CDIN1: variants seen among roughly 807,000 people sequenced by gnomAD.
CDIN1 encodes the protein CDAN1-interacting nuclease 1.
A neutral mutation model predicts 45.3 loss-of-function variants in CDIN1; 33 were observed. The ratio of observed to expected loss-of-function variants is 0.73; its 90% CI spans 0.55 to 0.97. The LOEUF (loss-of-function observed/expected upper bound fraction) is 0.97. Among genes scored for constraint, CDIN1 ranks in the 50% least tolerant of loss-of-function variants. The pLI is 0.00. For synonymous variants in CDIN1, 118 were observed against 124.4 expected (o/e 0.95, Z 0.34); for missense variants, 303 against 339.4 (o/e 0.89, Z 0.84).
chr15:36,613,560 G>A (rs534202032), intron 1 of CDIN1: 24 of 1,501,200 alleles, frequency 1.6e-5, no homozygotes, highest in East Asian at 6.8e-5. Context: ...TGAGCTGAGC[G>A]CCTCCAGCAA....
At chr15:36,779,015 C>T (rs2054286907) in intron 10 of CDIN1, among the ~76,000 whole-genome samples, 1 of 152,080 alleles carries the variant, frequency 6.6e-6, no homozygotes, top group African/African-American at 2.4e-5. Context: ...TACTATTTGT[C>T]TTATTTTTAA....
rs1006552005 is a variant in CDIN1, at chr15:36,617,911, T to A, written c.102-26367T>A. On this transcript the variant is annotated intron_variant, in intron 1 of 10. Coordinates refer to ENST00000566621, the MANE Select transcript of CDIN1 (RefSeq NM_001321759.2). Reference sequence around the variant, plus strand: ...TTATGGCAAGGATAAAAGCCATCAATACATTTTTTGCTAAGAATTGTTACT... The same window carrying A: ...TTATGGCAAGGATAAAAGCCATCAAAACATTTTTTGCTAAGAATTGTTACT... The A allele has an allele frequency of 3.9e-6, 3 of 766,226 alleles. No individual in the cohort carries two copies. The African/African-American group carries it at 5.1e-5, about 13-fold the overall frequency. The allele number at this position is 766,226 out of a possible 1,614,324, so 47.5% of individuals were successfully genotyped here. A position where few individuals can be genotyped will look rare whatever the true frequency, so the allele number is the denominator to read the frequency against.
chr15:36,656,586 C>T (rs974353250), intron 4 of CDIN1, among the ~76,000 whole-genome samples: 4 of 151,986 alleles, frequency 2.6e-5, no homozygotes, highest in African/African-American at 4.8e-5. Context: ...GGCCCTATTT[C>T]AGAGAAAGAT....
At chr15:36,617,270 CAG>C in intron 1 of CDIN1, 1 of 1,032,542 alleles carries the variant, frequency 9.7e-7, no homozygotes, top group Non-Finnish European at 1.5e-6. Flanking sequence ...GCAGAGCTCT[CAG>C]AAGATATATG....
chr15:36,671,232 C>T (rs897931008), intron 5 of CDIN1, among the ~76,000 whole-genome samples: 3 of 152,140 alleles, frequency 2.0e-5, no homozygotes, highest in Non-Finnish European at 2.9e-5. Flanking sequence ...AGTAGCTGCA[C>T]CAGTCACGAA....
chr15:36,740,918 C>G (rs879995450), intron 10 of CDIN1, among the ~76,000 whole-genome samples: 1 of 151,908 alleles, frequency 6.6e-6, no homozygotes, highest in Non-Finnish European at 1.5e-5. Context: ...TGTTTGCTCT[C>G]CTGCATTTCA....
At chr15:36,621,984 C>T in intron 1 of CDIN1, among the ~76,000 whole-genome samples, 1 of 151,704 alleles carries the variant, frequency 6.6e-6, no homozygotes, top group African/African-American at 2.4e-5. Context: ...CATAAATTAG[C>T]CTCATGGTGA....
intron 10 of CDIN1, among the ~76,000 whole-genome samples, chr15:36,722,501 A>G (rs2043461165): frequency 6.6e-6 from 1 of 152,318 alleles, no homozygotes; most frequent in African/African-American, 2.4e-5. Context: ...TTCTTTGGTT[A>G]TCTACTGGTA....
In CDIN1 at chr15:36,649,155, C is replaced by G. The variant is rs968890059; in HGVS notation, c.212+3868C>G. Among the ~76,000 whole-genome samples, 5 of 152,116 alleles carry G rather than the reference C, an allele frequency of 3.3e-5. No individual in the cohort carries two copies. The South Asian group carries it at 1.0e-3, about 32-fold the overall frequency. ...TCCATAAAGACATAATCAGAAAATC[C>G]TAATGGTACCTTTCTCTGCATCCTC... On this transcript the variant is annotated intron_variant, in intron 3 of 10. Transcript: ENST00000566621.
chr15:36,769,126 G>T (rs555207853), intron 10 of CDIN1, among the ~76,000 whole-genome samples: 1 of 152,268 alleles, frequency 6.6e-6, no homozygotes, highest in African/African-American at 2.4e-5. Context: ...AGCTAACATT[G>T]AATATGCCTT....
At chr15:36,807,510 C>G (rs1595630746) in intron 10 of CDIN1, among the ~76,000 whole-genome samples, 2 of 152,280 alleles carry the variant, frequency 1.3e-5, no homozygotes, top group East Asian at 3.9e-4. Flanking sequence ...TGAACCCAGC[C>G]TAAAGGTCTC....
chr15:36,688,895 G>T (rs936567198), intron 5 of CDIN1, among the ~76,000 whole-genome samples: 6 of 152,186 alleles, frequency 3.9e-5, no homozygotes, highest in Non-Finnish European at 8.8e-5. Context: ...AGCTGTGTGT[G>T]TTTGGCAGAT....
intron 1 of CDIN1, among the ~76,000 whole-genome samples, chr15:36,608,812 A>T (rs2038502247): frequency 6.6e-6 from 1 of 150,764 alleles, no homozygotes; most frequent in Non-Finnish European, 1.5e-5. Context: ...ATGTTAAATT[A>T]AAAAAAAACT....
chr15:36,588,396 AT>A (rs1374855395), intron 1 of CDIN1, among the ~76,000 whole-genome samples: 1 of 152,170 alleles, frequency 6.6e-6, no homozygotes, highest in African/African-American at 2.4e-5. Flanking sequence ...TTTGTGGTCA[AT>A]TTTCTACACT....
intron 10 of CDIN1, among the ~76,000 whole-genome samples, chr15:36,774,168 G>GCGCA (rs776199027): frequency 1.3e-5 from 2 of 149,074 alleles, no homozygotes; most frequent in African/African-American, 5.1e-5. Context: ...GTGTGTGCGC[G>GCGCA]CGCGCGCATG....
intron 10 of CDIN1, among the ~76,000 whole-genome samples, chr15:36,775,283 AGTT>A (rs1165063462): frequency 6.6e-6 from 1 of 152,240 alleles, no homozygotes; most frequent in African/African-American, 2.4e-5. Context: ...TCTCTCGTCT[AGTT>A]GTTAAAATAT....
At chr15:36,689,797 A>T (rs1016253424) in intron 5 of CDIN1, among the ~76,000 whole-genome samples, 7 of 152,206 alleles carry the variant, frequency 4.6e-5, no homozygotes, top group Admixed American at 3.9e-4. Flanking sequence ...GAAATAATTG[A>T]GTCCAACCCT....
At chr15:36,664,616 A>G (rs2041170044) in intron 5 of CDIN1, among the ~76,000 whole-genome samples, 1 of 151,370 alleles carries the variant, frequency 6.6e-6, no homozygotes, top group Admixed American at 6.6e-5. Context: ...GCACATTCTC[A>G]GCTCACTGCA....
chr15:36,616,079 CCTT>C (rs1412519653), intron 1 of CDIN1, among the ~76,000 whole-genome samples: 2 of 152,088 alleles, frequency 1.3e-5, no homozygotes, highest in Non-Finnish European at 2.9e-5. Flanking sequence ...GTAGCCTCTT[CCTT>C]CTTCTCATTA....
Sources: gnomAD v4.1 joint callset for allele counts (sites outside exome capture counted in the v4.1 genomes callset) on GRCh38, gnomAD v4.1.1 for gene constraint, MANE v1.5 for transcripts, NCBI Gene and HGNC (gene_info 2026-07-23, HGNC 2026-07-21) for gene names.